The following FAM156A variants were observed in gnomAD, a reference collection of about 807,000 sequenced individuals.
The protein encoded by FAM156A is protein FAM156A/FAM156B.
Position 52,994,756 on chromosome X carries a change from C to T in FAM156A, c.-434+550G>A, listed in dbSNP as rs1219970146. ...TTGGGAGACCGAGGTGGGAGGATCA[C>T]TTGAGGCCAGGAGTTCAAAAACAGC... On this transcript the variant is annotated intron_variant, in intron 1 of 4. Transcript: ENST00000610625. Among the ~76,000 whole-genome samples, 5 of 111,417 alleles carry T rather than the reference C, an allele frequency of 4.5e-5. No individual in the cohort carries two copies. In the East Asian group the frequency reaches 8.4e-4, roughly 19 times the overall value.
rs782547390 is a variant in FAM156A, at chrX:52,978,871, G to GA, written c.-433-14637dup. On this transcript the variant is annotated intron_variant, in intron 1 of 4. Transcript: ENST00000610625. ...AAGGAGAAAGAAGCTGTGTCACTGG[G>GA]AAAGGAGACTATTCTCCTGCTCTAG... 3.6e-5 allele frequency among the ~76,000 whole-genome samples: 4 copies of GA among 111,909 alleles called. No homozygotes were observed. In the South Asian group the frequency reaches 1.5e-3, roughly 42 times the overall value.
chrX:52,990,120 G>C (rs889313680), intron 1 of FAM156A, among the ~76,000 whole-genome samples: 1 of 110,669 alleles, frequency 9.0e-6, no homozygotes, highest in South Asian at 3.8e-4. Context: ...ACCCAGCCTG[G>C]AGCTCATGCA....
At chrX:52,976,628 G>A (rs1929491144) in intron 1 of FAM156A, among the ~76,000 whole-genome samples, 1 of 111,325 alleles carries the variant, frequency 9.0e-6, no homozygotes, top group South Asian at 3.8e-4. Context: ...TGAGATTGGA[G>A]AACAAGTAGT....
intron 1 of FAM156A, among the ~76,000 whole-genome samples, chrX:52,992,974 T>C (rs1031703301): frequency 7.2e-5 from 8 of 111,822 alleles, no homozygotes; most frequent in African/African-American, 1.3e-4. Context: ...CGTGGCACAA[T>C]AGGAGGTCAT....
At chrX:52,988,110 G>A (rs1385594956) in intron 1 of FAM156A, among the ~76,000 whole-genome samples, 1 of 109,681 alleles carries the variant, frequency 9.1e-6, no homozygotes, top group Non-Finnish European at 1.9e-5. Flanking sequence ...GCATGGTGGT[G>A]CGTGCCTGTA....
At chrX:52,977,362 C>G (rs782244154) in intron 1 of FAM156A, among the ~76,000 whole-genome samples, 157 of 110,567 alleles carry the variant, frequency 1.4e-3, no homozygotes, top group Non-Finnish European at 2.6e-3. Flanking sequence ...GACTCTGGAT[C>G]TGAATAAATT....
In FAM156A at chrX:52,993,378, TACCCATTTACCTG is replaced by T. The variant is rs200804205; in HGVS notation, c.-434+1915_-434+1927del. Among the ~76,000 whole-genome samples, 150 of 106,751 alleles carry T rather than the reference TACCCATTTACCTG, an allele frequency of 1.4e-3. 2 individuals are homozygous for T. The East Asian group carries it at 0.018, about 13-fold the overall frequency. The allele number at this position is 106,751 out of a possible 115,157, so 92.7% of individuals were successfully genotyped here. ...TGAATAAAATAACATCCTGCCCACT[TACCCATTTACCTG>T]ACCCTGTCTTAACTTTCTTTTTTTT... On this transcript the variant is annotated intron_variant, in intron 1 of 4. Transcript: ENST00000610625.
chrX:52,986,971 A>T (rs782711694), intron 1 of FAM156A, among the ~76,000 whole-genome samples: 28 of 112,468 alleles, frequency 2.5e-4, no homozygotes, highest in Non-Finnish European at 4.5e-4. Flanking sequence ...TTTATAAAAA[A>T]TACTTCTCGA....
At chrX:52,981,592 T>C (rs1281974166) in intron 1 of FAM156A, among the ~76,000 whole-genome samples, 1 of 111,637 alleles carries the variant, frequency 9.0e-6, no homozygotes, top group Non-Finnish European at 1.9e-5. Flanking sequence ...TTTGTGTTCT[T>C]GGTTTCTGAG....
At chrX:52,976,385 A>G (rs1929470630) in intron 1 of FAM156A, among the ~76,000 whole-genome samples, 1 of 111,356 alleles carries the variant, frequency 9.0e-6, no homozygotes, top group African/African-American at 3.3e-5. Flanking sequence ...CAGAGGTTAC[A>G]GTGAAACAAG....
rs1280741526 is a variant in FAM156A at position 52,993,415 on chromosome X, T to C, written c.-434+1891A>G. 6.4e-5 allele frequency among the ~76,000 whole-genome samples: 6 copies of C among 94,391 alleles called. No homozygotes were observed. In the East Asian group the frequency reaches 1.6e-3, roughly 26 times the overall value. The allele number at this position is 94,391 out of a possible 115,157, so 82.0% of individuals were successfully genotyped here. A position where few individuals can be genotyped will look rare whatever the true frequency, so the allele number is the denominator to read the frequency against. ...TGACCCTGTCTTAACTTTCTTTTTTTTTTTTTTTTTTTTTTTTGAGACAAA... is the reference window on the plus strand; with the variant it reads ...TGACCCTGTCTTAACTTTCTTTTTTCTTTTTTTTTTTTTTTTTGAGACAAA... On this transcript the variant is annotated intron_variant, in intron 1 of 4. Coordinates refer to the FAM156A transcript ENST00000610625.
In FAM156A at chrX:52,990,788, A is replaced by AAAAGAAAAG. The variant is rs1306754734; in HGVS notation, c.-434+4509_-434+4517dup. ...GATAGAGTGAGACTGTCAAGAAAAGAAAAGAAAAGAAAGAAAAGAAAAGAA... is the reference window on the plus strand; with the variant it reads ...GATAGAGTGAGACTGTCAAGAAAAGAAAAGAAAAGAAAGAAAAGAAAGAAAAGAAAAGAA... On this transcript the variant is annotated intron_variant, in intron 1 of 4. Transcript: ENST00000610625. 2.2e-3 allele frequency among the ~76,000 whole-genome samples: 173 copies of AAAAGAAAAG among 79,041 alleles called. 2 individuals are homozygous for AAAAGAAAAG. Among genetic ancestry groups the AAAAGAAAAG allele is most frequent in the South Asian group, 9.4e-3 (14 of 1,487 alleles). 68.6% of individuals were successfully genotyped at this position (79,041 alleles called of 115,157 possible).
intron 1 of FAM156A, among the ~76,000 whole-genome samples, chrX:52,990,517 C>T (rs1241201984): frequency 9.0e-6 from 1 of 111,372 alleles, no homozygotes; most frequent in African/African-American, 3.3e-5. Flanking sequence ...GGTACGGTGG[C>T]TCATGCCTGT....
chrX:52,993,207 G>A (rs1556795951), intron 1 of FAM156A, among the ~76,000 whole-genome samples: 1 of 110,432 alleles, frequency 9.1e-6, no homozygotes, highest in Non-Finnish European at 1.9e-5. Context: ...GACCCACCAG[G>A]TGCTTCCCCT....
chrX:52,976,416 C>T (rs1312545925), intron 1 of FAM156A, among the ~76,000 whole-genome samples: 1 of 110,868 alleles, frequency 9.0e-6, no homozygotes, highest in Non-Finnish European at 1.9e-5. Context: ...TGCACTCCAG[C>T]CCGGGCGACA....
chrX:52,977,796 A>G (rs1390286140), intron 1 of FAM156A, among the ~76,000 whole-genome samples: 2 of 111,912 alleles, frequency 1.8e-5, no homozygotes, highest in African/African-American at 6.5e-5. Context: ...GGTGAATACT[A>G]TACAAAAAAT....
chrX:52,974,509 T>C (rs1556791575), intron 1 of FAM156A, among the ~76,000 whole-genome samples: 1 of 111,708 alleles, frequency 9.0e-6, no homozygotes, highest in African/African-American at 3.3e-5. Flanking sequence ...GGTCTCACTA[T>C]ATTGCCCAGG....
chrX:52,980,782 CTGTGTGTGTG>C (rs1156303085), intron 1 of FAM156A, among the ~76,000 whole-genome samples: 2,230 of 38,392 alleles, frequency 0.058, 62 homozygotes, highest in African/African-American at 0.083. Context: ...TAGGGTTCCT[CTGTGTGTGTG>C]TGTGTGTGTG....
intron 1 of FAM156A, among the ~76,000 whole-genome samples, chrX:52,988,557 C>T (rs782758592): frequency 8.0e-5 from 9 of 111,887 alleles, no homozygotes; most frequent in African/African-American, 2.3e-4. Context: ...CAGAACTATA[C>T]CTCAAGTGTC....
Sources: gnomAD v4.1 joint callset for allele counts (sites outside exome capture counted in the v4.1 genomes callset) on GRCh38, gnomAD v4.1.1 for gene constraint, MANE v1.5 for transcripts, NCBI Gene and HGNC (gene_info 2026-07-23, HGNC 2026-07-21) for gene names.